ANK3: variants seen among roughly 807,000 people sequenced by gnomAD.
The protein encoded by ANK3 is ankyrin 3, also known as ankyrin-3.
A neutral mutation model predicts 370.9 loss-of-function variants in ANK3; 57 were observed. The ratio of observed to expected loss-of-function variants is 0.15; its 90% CI spans 0.12 to 0.19. ANK3 has a LOEUF of 0.19. Ranked by LOEUF, ANK3 falls within the 10% of genes least tolerant of loss-of-function variation. ANK3 has a pLI of 1.00. For synonymous variants in ANK3, 1,929 were observed against 1,946.3 expected, an observed-to-expected ratio of 0.99 and a Z score of 0.23; for missense variants, 4,439 against 5,302.1, an observed-to-expected ratio of 0.84 and a Z score of 5.06.
At chr10:60,080,766 A>AC (rs752149617) in intron 35 of ANK3, 148 bp from the exon 36 acceptor site, 5 of 734,260 alleles carry the variant, frequency 6.8e-6, no homozygotes, top group African/African-American at 5.4e-5. Context: ...TTGTAACCCC[A>AC]CCCCCCATGT....
intron 1 of ANK3, among the ~76,000 whole-genome samples, chr10:60,375,498 G>A (rs527832714): frequency 1.1e-4 from 16 of 151,878 alleles, no homozygotes; most frequent in African/African-American, 1.7e-4. Flanking sequence ...GGCCTGCCTG[G>A]GGGGGGAGGG....
chr10:60,093,290 C>T (rs1175513893), intron 28 of ANK3, among the ~76,000 whole-genome samples: 1 of 152,188 alleles, frequency 6.6e-6, no homozygotes, highest in Non-Finnish European at 1.5e-5. Context: ...TCATCATCAG[C>T]TAAGCAGATA....
In ANK3 at chr10:60,042,677, C is replaced by A. The variant is rs972916256; in HGVS notation, c.*14G>T. 2 of 1,613,902 alleles carry A rather than the reference C, an allele frequency of 1.2e-6. No individual in the cohort carries two copies. Among genetic ancestry groups the A allele is most frequent in the African/African-American group, 1.3e-5 (1 of 74,952 alleles). On this transcript the variant is annotated 3_prime_UTR_variant, in exon 43 of 44. Transcript: ENST00000280772. ...TTGATATGAACACACCTCACCTTGA[C>A]TGACCGTTCGCTGTTACGAGTGGCT...
At chr10:60,579,710 C>T (rs1402301888) in intron 2 of ANK3, among the ~76,000 whole-genome samples, 1 of 152,158 alleles carries the variant, frequency 6.6e-6, no homozygotes. Context: ...CTGGATTTGT[C>T]ATGGTCCTTG....
chr10:60,472,054 C>T (rs2065232506), intron 2 of ANK3, among the ~76,000 whole-genome samples: 1 of 152,078 alleles, frequency 6.6e-6, no homozygotes, highest in South Asian at 2.1e-4. Context: ...AGAAGGAGAA[C>T]TTAGATCTTA....
chr10:60,321,943 C>T (rs1454086951), intron 1 of ANK3, among the ~76,000 whole-genome samples: 1 of 152,054 alleles, frequency 6.6e-6, no homozygotes, highest in Non-Finnish European at 1.5e-5. Flanking sequence ...GTGGGGGGTG[C>T]GAGCTGGCAG....
intron 1 of ANK3, among the ~76,000 whole-genome samples, chr10:60,677,473 A>T (rs2079139875): frequency 6.9e-6 from 1 of 144,780 alleles, no homozygotes; most frequent in Admixed American, 6.9e-5. Context: ...TTTGGTTTAG[A>T]GGCTGCAGAG....
chr10:60,379,062 A>T (rs1406951049), intron 1 of ANK3, among the ~76,000 whole-genome samples: 1 of 152,164 alleles, frequency 6.6e-6, no homozygotes, highest in East Asian at 1.9e-4. Context: ...ATCTGAATAG[A>T]CATTTCTCAA....
chr10:60,076,309 T>A lies in ANK3; in HGVS notation c.4572A>T (p.Leu1524Phe). ...PGPAKSGFTS[L>F]SSSSSNTPSA... is the part of the protein sequence containing the mutation. The stretch of plus-strand genomic sequence containing the variant: ...ATGGCGTATTAGAGGAAGAACTTGA[T>A]AAGGAAGTGAAGCCTGACTTGGCTG... The change falls in exon 37 of 44, where the codon TTA becomes TTT. Residue 1524 changes from leucine to phenylalanine, a missense_variant. Transcript: ENST00000280772. 2 of 1,614,070 alleles carry A rather than the reference T, an allele frequency of 1.2e-6. No homozygotes were observed. The highest frequency in any genetic ancestry group is 1.7e-6 in the Non-Finnish European group (2 of 1,179,980).
At chr10:60,684,364 T>G (rs1242320093) in intron 1 of ANK3, 1 of 475,636 alleles carries the variant, frequency 2.1e-6, no homozygotes, top group African/African-American at 2.0e-5. Flanking sequence ...TCAGCACACC[T>G]CCCCAGCGGC....
intron 2 of ANK3, among the ~76,000 whole-genome samples, chr10:60,428,053 C>T (rs1389113077): frequency 6.6e-6 from 1 of 152,132 alleles, no homozygotes; most frequent in Non-Finnish European, 1.5e-5. Context: ...CAGTATCCTG[C>T]ACTTATCTTT....
chr10:60,281,210 C>T (rs549972479), intron 1 of ANK3, among the ~76,000 whole-genome samples: 9 of 152,264 alleles, frequency 5.9e-5, no homozygotes, highest in Admixed American at 4.6e-4. Flanking sequence ...AGTAATGAGC[C>T]TCTCTCAATC....
rs773640509 is a variant in ANK3 at position 60,246,187 on chromosome 10, C to T, written c.799-11401G>A. Among the ~76,000 whole-genome samples, 29 of 138,364 alleles carry T rather than the reference C, an allele frequency of 2.1e-4. 1 individual carries two copies. The highest frequency in any genetic ancestry group is 8.0e-4 in the African/African-American group (29 of 36,424). The allele number at this position is 138,364 out of a possible 152,430, so 90.8% of individuals were successfully genotyped here. ...ACGAGAATTGCTTGACCCTGGGAAGCGGAGCTTGCAGTGAGCTGAGATTGT... is the reference window on the plus strand; with the variant it reads ...ACGAGAATTGCTTGACCCTGGGAAGTGGAGCTTGCAGTGAGCTGAGATTGT... On this transcript the variant is annotated intron_variant, in intron 7 of 43. Coordinates refer to ENST00000280772, the MANE Select transcript of ANK3 (RefSeq NM_020987.5).
At chr10:60,039,335 G>C (rs1337715082) in intron 43 of ANK3, among the ~76,000 whole-genome samples, 1 of 152,088 alleles carries the variant, frequency 6.6e-6, no homozygotes, top group Non-Finnish European at 1.5e-5. Flanking sequence ...GCAAGTCTTT[G>C]CCATGGCTTA....
At chr10:60,038,127 T>TG (rs1227466377) in intron 43 of ANK3, among the ~76,000 whole-genome samples, 1 of 152,206 alleles carries the variant, frequency 6.6e-6, no homozygotes, top group Non-Finnish European at 1.5e-5. Context: ...CTGGGCACAG[T>TG]GGCTCACGCC....
chr10:60,415,798 T>C (rs1266003191), intron 2 of ANK3, among the ~76,000 whole-genome samples: 3 of 151,968 alleles, frequency 2.0e-5, no homozygotes, highest in Non-Finnish European at 4.4e-5. Flanking sequence ...AAAATTTTAA[T>C]GGGCAATAGG....
chr10:60,132,692 C>T (rs1177858482), intron 25 of ANK3, among the ~76,000 whole-genome samples: 1 of 151,736 alleles, frequency 6.6e-6, no homozygotes, highest in Non-Finnish European at 1.5e-5. Flanking sequence ...TCTTGGCTCA[C>T]TGCAAACTCT....
At position 60,464,663 on chromosome 10, in the gene ANK3, A is replaced by G. The variant is rs151253934; in HGVS notation, c.96+150523T>C. Among the ~76,000 whole-genome samples, 576 of 152,306 alleles carry G rather than the reference A, an allele frequency of 3.8e-3. 2 individuals carry two copies. Among genetic ancestry groups the G allele is most frequent in the African/African-American group, 0.013 (555 of 41,562 alleles). On this transcript the variant is annotated intron_variant, in intron 2 of 43. Transcript: ENST00000373827. Reference sequence around the variant, plus strand: ...ATTTTTGCTCTATTTCTAGCTTTCAAAAATTATGTTTAGCTCTACTTGGTA... The same window carrying G: ...ATTTTTGCTCTATTTCTAGCTTTCAGAAATTATGTTTAGCTCTACTTGGTA...
At chr10:60,405,908 C>T (rs1320176397) in intron 2 of ANK3, among the ~76,000 whole-genome samples, 1 of 152,130 alleles carries the variant, frequency 6.6e-6, no homozygotes, top group Non-Finnish European at 1.5e-5. Flanking sequence ...ATTCTCCTAA[C>T]AGCATGTTGG....
Sources: allele counts gnomAD v4.1 joint callset (sites outside exome capture counted in the v4.1 genomes callset), GRCh38; gene constraint gnomAD v4.1.1; transcripts MANE v1.5; gene names NCBI Gene and HGNC (gene_info 2026-07-23, HGNC 2026-07-21).